Variants in MAD1L1 observed in about 807,000 individuals in gnomAD.
The protein encoded by MAD1L1 is mitotic spindle assembly checkpoint protein MAD1.
Under a neutral mutation model 96.9 loss-of-function variants are expected in MAD1L1, and 95 were observed. That is an observed-to-expected ratio of 0.98 (90% CI 0.83 to 1.16). MAD1L1 has a LOEUF of 1.16. Among genes scored for constraint, MAD1L1 ranks in the 50% most tolerant of loss-of-function variants. The pLI, the probability that MAD1L1 is intolerant of heterozygous loss-of-function variation, is 0.00. For synonymous variants in MAD1L1, 473 were observed against 396.6 expected, an observed-to-expected ratio of 1.19 and a Z score of -2.29; for missense variants, 1,007 against 954.4, an observed-to-expected ratio of 1.06 and a Z score of -0.73.
intron 17 of MAD1L1, among the ~76,000 whole-genome samples, chr7:1,935,794 A>G (rs1199782058): frequency 6.6e-6 from 1 of 152,224 alleles, no homozygotes; most frequent in Non-Finnish European, 1.5e-5. Flanking sequence ...AAAGGCCAGA[A>G]AGCAGCAGCC....
intron 18 of MAD1L1, among the ~76,000 whole-genome samples, chr7:1,887,195 G>A (rs1786092672): frequency 6.6e-6 from 1 of 152,266 alleles, no homozygotes; most frequent in Non-Finnish European, 1.5e-5. Context: ...GCCTGGGAGA[G>A]ACAGAGGCCA....
chr7:1,833,772 C>A (rs1352181119), intron 18 of MAD1L1, among the ~76,000 whole-genome samples: 1 of 152,178 alleles, frequency 6.6e-6, no homozygotes, highest in East Asian at 1.9e-4. Flanking sequence ...GAAACCCCCT[C>A]TCTACTAAAA....
intron 11 of MAD1L1, among the ~76,000 whole-genome samples, chr7:2,138,322 G>A (rs1788858067): frequency 2.0e-5 from 3 of 152,326 alleles, no homozygotes; most frequent in Middle Eastern, 3.4e-3. Context: ...CTGCGGCAGC[G>A]CTCAGCAGGC....
At chr7:2,095,977 A>G (rs1484780925) in intron 11 of MAD1L1, among the ~76,000 whole-genome samples, 3 of 152,202 alleles carry the variant, frequency 2.0e-5, no homozygotes, top group African/African-American at 7.2e-5. Flanking sequence ...ACAGCAGGAG[A>G]GACGGGGTCC....
intron 17 of MAD1L1, among the ~76,000 whole-genome samples, chr7:1,909,802 C>T (rs1302796467): frequency 6.6e-6 from 1 of 152,220 alleles, no homozygotes; most frequent in Non-Finnish European, 1.5e-5. Context: ...TGGTACCAGA[C>T]GGCCCTTGAG....
intron 17 of MAD1L1, among the ~76,000 whole-genome samples, chr7:1,927,175 C>T (rs978162328): frequency 6.6e-6 from 1 of 150,710 alleles, no homozygotes; most frequent in Non-Finnish European, 1.5e-5. Context: ...GTATTTCTAA[C>T]AAAAAAGGGG....
chr7:1,933,256 C>T (rs1385982155), intron 17 of MAD1L1, among the ~76,000 whole-genome samples: 2 of 152,154 alleles, frequency 1.3e-5, no homozygotes, highest in South Asian at 2.1e-4. Flanking sequence ...AGCATGGAGC[C>T]GTCTGCCACG....
At chr7:1,870,541 C>T (rs1459641535) in intron 18 of MAD1L1, among the ~76,000 whole-genome samples, 15 of 148,396 alleles carry the variant, frequency 1.0e-4, no homozygotes, top group African/African-American at 3.7e-4. Flanking sequence ...CACGCTGAAC[C>T]GACCATAACA....
intron 11 of MAD1L1, among the ~76,000 whole-genome samples, chr7:2,093,961 G>A (rs1786346539): frequency 6.6e-6 from 1 of 152,160 alleles, no homozygotes; most frequent in Non-Finnish European, 1.5e-5. Flanking sequence ...GGCAGGGAGA[G>A]GACAGGAACC....
At chr7:2,172,730 G>A (rs1186802590) in intron 10 of MAD1L1, among the ~76,000 whole-genome samples, 2 of 152,218 alleles carry the variant, frequency 1.3e-5, no homozygotes, top group Non-Finnish European at 2.9e-5. Context: ...ATAGAGGACC[G>A]AGGCCCTAAC....
At chr7:1,825,290 G>C (rs1782332507) in intron 18 of MAD1L1, among the ~76,000 whole-genome samples, 2 of 152,184 alleles carry the variant, frequency 1.3e-5, no homozygotes, top group East Asian at 3.9e-4. Flanking sequence ...CACTCTGTGG[G>C]AGGCCCCTCT....
intron 18 of MAD1L1, among the ~76,000 whole-genome samples, chr7:1,822,547 C>T (rs55995895): frequency 0.15 from 22,011 of 150,624 alleles, 2,016 homozygotes; most frequent in South Asian, 0.26. Flanking sequence ...CCTGCCTCAA[C>T]GTGCCAAGTA....
intron 15 of MAD1L1, among the ~76,000 whole-genome samples, chr7:1,972,780 C>G (rs748433969): frequency 6.6e-6 from 1 of 152,086 alleles, no homozygotes; most frequent in Non-Finnish European, 1.5e-5. Context: ...ATTCCTCTTT[C>G]TCAACGTGAA....
At chr7:2,094,287 T>C (rs999393268) in intron 11 of MAD1L1, among the ~76,000 whole-genome samples, 2 of 152,186 alleles carry the variant, frequency 1.3e-5, no homozygotes. Context: ...AGAATCCCTC[T>C]GGATGCAGAA....
chr7:2,011,258 G>T (rs545679348), intron 13 of MAD1L1, among the ~76,000 whole-genome samples: 3 of 152,214 alleles, frequency 2.0e-5, no homozygotes, highest in African/African-American at 7.2e-5. Context: ...TCCCTGGCTT[G>T]GGCTGGCGTC....
rs570275792 is a variant in MAD1L1 at position 2,024,281 on chromosome 7, C to G, written c.1219-9639G>C. On this transcript the variant is annotated intron_variant, in intron 12 of 18. Coordinates refer to ENST00000265854, the MANE Select transcript of MAD1L1 (RefSeq NM_001013836.2). ...AAATGGACCAATTCCTTGAAAGACA[C>G]GAACCACCAAAACTCACATGAGGAG... 1.1e-3 allele frequency among the ~76,000 whole-genome samples: 171 copies of G among 152,266 alleles called. 1 individual carries two copies. The highest frequency in any genetic ancestry group is 3.9e-3 in the African/African-American group (163 of 41,548).
intron 11 of MAD1L1, among the ~76,000 whole-genome samples, chr7:2,092,357 C>G (rs1378579779): frequency 6.6e-6 from 1 of 152,196 alleles, no homozygotes; most frequent in Non-Finnish European, 1.5e-5. Flanking sequence ...TTCCCAGGTT[C>G]AAGCAATCCT....
At chr7:1,948,624 G>T (rs1779342589) in intron 16 of MAD1L1, among the ~76,000 whole-genome samples, 1 of 152,184 alleles carries the variant, frequency 6.6e-6, no homozygotes, top group African/African-American at 2.4e-5. Context: ...TTCCAGCAAG[G>T]GTCAGGGGCT....
chr7:2,197,469 A>G (rs1792051200), intron 10 of MAD1L1, among the ~76,000 whole-genome samples: 2 of 151,902 alleles, frequency 1.3e-5, no homozygotes, highest in South Asian at 4.2e-4. Flanking sequence ...TCCTCCTCTC[A>G]TCTCCCGCCC....
Sources: allele counts gnomAD v4.1 joint callset (sites outside exome capture counted in the v4.1 genomes callset), GRCh38; gene constraint gnomAD v4.1.1; transcripts MANE v1.5; gene names NCBI Gene and HGNC (gene_info 2026-07-23, HGNC 2026-07-21).